Variants in SPAG16 observed in about 807,000 individuals in gnomAD.
The protein encoded by SPAG16 is sperm associated antigen 16, also known as sperm-associated antigen 16 protein.
Under a neutral mutation model 80.4 loss-of-function variants are expected in SPAG16, and 86 were observed. That is an observed-to-expected ratio of 1.07 (90% CI 0.90 to 1.28). The LOEUF (loss-of-function observed/expected upper bound fraction) is 1.28, where lower values mean the gene tolerates loss of function less well. SPAG16 is among the 50% of genes most tolerant of loss of function. The probability of loss-of-function intolerance (pLI) is 0.00; values close to 1 mark genes in which losing one functional copy is unlikely to be tolerated. For synonymous variants in SPAG16, 294 were observed against 265.9 expected (o/e 1.11, Z -1.03); for missense variants, 870 against 765.3 (o/e 1.14, Z -1.61).
At chr2:213,541,824 T>C (rs1013470798) in intron 10 of SPAG16, among the ~76,000 whole-genome samples, 2 of 152,106 alleles carry the variant, frequency 1.3e-5, no homozygotes, top group African/African-American at 4.8e-5. Flanking sequence ...TAGAAAGAAA[T>C]GTTTTTGACA....
At chr2:214,121,846 G>A (rs1481322055) in intron 14 of SPAG16, among the ~76,000 whole-genome samples, 6 of 151,744 alleles carry the variant, frequency 4.0e-5, no homozygotes, top group Non-Finnish European at 8.9e-5. Flanking sequence ...AGGTATATAT[G>A]AAACATAAAT....
intron 5 of SPAG16, among the ~76,000 whole-genome samples, chr2:213,318,962 C>G (rs1469390042): frequency 6.6e-6 from 1 of 151,904 alleles, no homozygotes; most frequent in African/African-American, 2.4e-5. Flanking sequence ...CCACACCTTT[C>G]TTTCTTTCTG....
chr2:213,731,274 A>G (rs1402386442), intron 10 of SPAG16, among the ~76,000 whole-genome samples: 1 of 148,656 alleles, frequency 6.7e-6, no homozygotes, highest in Non-Finnish European at 1.5e-5. Context: ...CTCCTGCCTC[A>G]GCCTCCTGAG....
chr2:214,385,411 T>TATATGAAGAA (rs1286784626), intron 15 of SPAG16, among the ~76,000 whole-genome samples: 3 of 152,234 alleles, frequency 2.0e-5, no homozygotes, highest in African/African-American at 7.2e-5. Context: ...CTCTATTTGA[T>TATATGAAGAA]ATATGAAGAA....
intron 15 of SPAG16, among the ~76,000 whole-genome samples, chr2:214,248,290 T>G: frequency 7.6e-5 from 1 of 13,158 alleles, no homozygotes; most frequent in East Asian, 2.3e-3. Context: ...TATTCTTATA[T>G]TATTATTATT....
At chr2:214,059,218 A>ATGTG (rs1210800057) in intron 13 of SPAG16, among the ~76,000 whole-genome samples, 1 of 80,592 alleles carries the variant, frequency 1.2e-5, no homozygotes, top group African/African-American at 4.6e-5. Flanking sequence ...ATATATATGT[A>ATGTG]TGTGTATATA....
At chr2:214,025,171 A>G (rs1362844555) in intron 13 of SPAG16, among the ~76,000 whole-genome samples, 1 of 151,708 alleles carries the variant, frequency 6.6e-6, no homozygotes, top group African/African-American at 2.4e-5. Context: ...TGAGAATGCT[A>G]GAGACAAGTC....
chr2:213,883,182 C>T (rs2076416933), intron 11 of SPAG16, among the ~76,000 whole-genome samples: 1 of 152,194 alleles, frequency 6.6e-6, no homozygotes, highest in Non-Finnish European at 1.5e-5. Context: ...GCATTAGTTA[C>T]ATCCCAGAGA....
At chr2:214,221,759 T>C (rs2058576405) in intron 15 of SPAG16, among the ~76,000 whole-genome samples, 1 of 152,166 alleles carries the variant, frequency 6.6e-6, no homozygotes, top group African/African-American at 2.4e-5. Context: ...AGAAAAATAT[T>C]TCATGTTATT....
At chr2:213,833,513 A>T (rs369179747) in intron 10 of SPAG16, among the ~76,000 whole-genome samples, 361 of 874 alleles carry the variant, frequency 0.41, 125 homozygotes, top group Non-Finnish European at 0.61. Flanking sequence ...ATTATATATA[A>T]TATATATAAT....
intron 6 of SPAG16, among the ~76,000 whole-genome samples, chr2:213,349,128 A>T (rs888533604): frequency 6.6e-6 from 1 of 152,214 alleles, no homozygotes; most frequent in Non-Finnish European, 1.5e-5. Context: ...GAGGCAAAGA[A>T]GAAAATTACA....
At chr2:214,147,152 G>A (rs2055685439) in intron 14 of SPAG16, among the ~76,000 whole-genome samples, 1 of 152,028 alleles carries the variant, frequency 6.6e-6, no homozygotes, top group Admixed American at 6.6e-5. Flanking sequence ...TATTAATGAA[G>A]CATTTAGCAC....
chr2:214,088,752 C>A (rs2051956977), intron 13 of SPAG16, among the ~76,000 whole-genome samples: 1 of 151,996 alleles, frequency 6.6e-6, no homozygotes, highest in African/African-American at 2.4e-5. Flanking sequence ...GATGCTGGGA[C>A]CAGATGGCTT....
intron 11 of SPAG16, among the ~76,000 whole-genome samples, chr2:213,903,827 T>G (rs547668485): frequency 6.6e-6 from 1 of 152,334 alleles, no homozygotes; most frequent in East Asian, 1.9e-4. Context: ...CTGCTGAATG[T>G]TTCGCTGCTT....
intron 12 of SPAG16, among the ~76,000 whole-genome samples, chr2:213,996,162 G>T (rs7589549): frequency 9.2e-5 from 14 of 152,116 alleles, no homozygotes; most frequent in Non-Finnish European, 2.1e-4. Flanking sequence ...ATCACCAGGA[G>T]TATAAATGCA....
chr2:214,329,121 C>T (rs1420187205), intron 15 of SPAG16, among the ~76,000 whole-genome samples: 3 of 152,186 alleles, frequency 2.0e-5, no homozygotes, highest in Admixed American at 2.0e-4. Flanking sequence ...TTTCTCATTC[C>T]ATTCTGTGCA....
Position 214,367,531 on chromosome 2 carries a change from G to A in SPAG16, c.1721-42609G>A, listed in dbSNP as rs16851881. On this transcript the variant is annotated intron_variant, in intron 15 of 15. Transcript: ENST00000331683. ...TGATTTATAGTAAACACCTAAAAGCGGAAAAGGCTTCTATGATGTGTGATT... is the reference window on the plus strand; with the variant it reads ...TGATTTATAGTAAACACCTAAAAGCAGAAAAGGCTTCTATGATGTGTGATT... Among the ~76,000 whole-genome samples, 354 of 152,218 alleles carry A rather than the reference G, an allele frequency of 2.3e-3. 3 individuals are homozygous for A. The highest frequency in any genetic ancestry group is 7.7e-3 in the East Asian group (40 of 5,176).
chr2:214,250,733 GATATATATAT>G lies in SPAG16; in HGVS notation c.1720+101483_1720+101492del, dbSNP rs59644776. 1.6e-3 allele frequency among the ~76,000 whole-genome samples: 176 copies of G among 112,346 alleles called. 1 individual carries two copies. The highest frequency in any genetic ancestry group is 2.5e-3 in the Non-Finnish European group (142 of 57,260). The allele number at this position is 112,346 out of a possible 152,430, so 73.7% of individuals were successfully genotyped here. ...ATATATATTTCTAAAGGAGCTTTGAGATATATATATATATATATATATATAGAGAGAGAGA... is the reference window on the plus strand; with the variant it reads ...ATATATATTTCTAAAGGAGCTTTGAGATATATATATATATAGAGAGAGAGA... On this transcript the variant is annotated intron_variant, in intron 15 of 15. Coordinates refer to ENST00000331683, the MANE Select transcript of SPAG16 (RefSeq NM_024532.5).
chr2:213,865,690 A>G (rs933169369), intron 11 of SPAG16, among the ~76,000 whole-genome samples: 5 of 147,982 alleles, frequency 3.4e-5, no homozygotes, highest in African/African-American at 1.2e-4. Flanking sequence ...TAAAATATAT[A>G]AACATTTGTA....
Sources: allele counts gnomAD v4.1 joint callset (sites outside exome capture counted in the v4.1 genomes callset), GRCh38; gene constraint gnomAD v4.1.1; transcripts MANE v1.5; gene names NCBI Gene and HGNC (gene_info 2026-07-23, HGNC 2026-07-21).